CADPS2: variants seen among roughly 807,000 people sequenced by gnomAD.
The protein encoded by CADPS2 is calcium dependent secretion activator 2, also known as calcium-dependent secretion activator 2.
In CADPS2, 93 loss-of-function variants were observed where a neutral mutation model predicts 172.5. The observed-to-expected ratio is 0.54, with a 90% CI of 0.46 to 0.64. The LOEUF is 0.64. CADPS2 is among the 30% of genes least tolerant of loss of function. CADPS2 has a pLI of 0.00. For synonymous variants in CADPS2, 546 were observed against 555.2 expected (o/e 0.98, Z 0.23); for missense variants, 1,420 against 1,565.9 (o/e 0.91, Z 1.57).
At chr7:122,657,224 G>T (rs1261540208) in intron 3 of CADPS2, among the ~76,000 whole-genome samples, 4 of 152,212 alleles carry the variant, frequency 2.6e-5, no homozygotes, top group Admixed American at 2.6e-4. Flanking sequence ...TTGTAGTATA[G>T]TTTGAAATCA....
At chr7:122,603,919 G>C (rs1243707212) in intron 6 of CADPS2, among the ~76,000 whole-genome samples, 2 of 152,072 alleles carry the variant, frequency 1.3e-5, no homozygotes, top group Non-Finnish European at 2.9e-5. Flanking sequence ...TGATCAAAGA[G>C]TACACATTTT....
chr7:122,483,375 T>C (rs2057490307), intron 11 of CADPS2, among the ~76,000 whole-genome samples: 1 of 151,768 alleles, frequency 6.6e-6, no homozygotes, highest in South Asian at 2.1e-4. Flanking sequence ...AAAAGAAAAA[T>C]ATCTTCAAAA....
At position 122,756,857 on chromosome 7, in the gene CADPS2, G is replaced by A. The variant is rs551890988; in HGVS notation, c.340-19789C>T. Among the ~76,000 whole-genome samples the A allele has an allele frequency of 7.3e-5, 11 of 151,316 alleles. No homozygotes were observed. The South Asian group carries it at 8.4e-4, about 11-fold the overall frequency. On this transcript the variant is annotated intron_variant, in intron 1 of 29. Transcript: ENST00000449022. The stretch of plus-strand genomic sequence containing the variant: ...AGAGGTTGCAGTGAGCCAAGATTGC[G>A]CCACTGCACTCCAGCCTGGGGAACA...
intron 20 of CADPS2, among the ~76,000 whole-genome samples, chr7:122,397,821 C>T (rs552243935): frequency 6.6e-6 from 1 of 152,218 alleles, no homozygotes; most frequent in South Asian, 2.1e-4. Context: ...CTTAATGCGG[C>T]CACATCCAAG....
At chr7:122,363,736 A>G (rs548357347) in intron 25 of CADPS2, among the ~76,000 whole-genome samples, 1 of 152,296 alleles carries the variant, frequency 6.6e-6, no homozygotes, top group South Asian at 2.1e-4. Flanking sequence ...ATGGCCAAAC[A>G]CTAAAGAAAT....
intron 19 of CADPS2, among the ~76,000 whole-genome samples, chr7:122,409,120 G>A (rs192525293): frequency 1.2e-4 from 19 of 152,264 alleles, no homozygotes; most frequent in Admixed American, 8.5e-4. Context: ...GGTTAAATAT[G>A]TGATAAAATG....
At chr7:122,538,505 TTAAA>T (rs987482247) in intron 8 of CADPS2, among the ~76,000 whole-genome samples, 17 of 151,574 alleles carry the variant, frequency 1.1e-4, no homozygotes, top group African/African-American at 3.9e-4. Context: ...TTCGTAACAT[TTAAA>T]TAAAAATATT....
chr7:122,598,397 T>C (rs1412172868), intron 6 of CADPS2, among the ~76,000 whole-genome samples: 2 of 152,190 alleles, frequency 1.3e-5, no homozygotes. Context: ...CCAAGTGACA[T>C]ATAAAGGAAA....
intron 1 of CADPS2, among the ~76,000 whole-genome samples, chr7:122,777,541 G>C (rs1443994870): frequency 6.6e-6 from 1 of 152,172 alleles, no homozygotes; most frequent in African/African-American, 2.4e-5. Flanking sequence ...CCACCCAAAT[G>C]TCATCTTGAA....
At chr7:122,795,770 G>T (rs1210143385) in intron 1 of CADPS2, among the ~76,000 whole-genome samples, 1 of 152,016 alleles carries the variant, frequency 6.6e-6, no homozygotes, top group Non-Finnish European at 1.5e-5. Flanking sequence ...ATGGGCAAAA[G>T]CTGGAAGCAT....
intron 8 of CADPS2, among the ~76,000 whole-genome samples, chr7:122,521,736 A>G (rs138814633): frequency 2.6e-4 from 40 of 152,248 alleles, no homozygotes; most frequent in Non-Finnish European, 4.7e-4. Context: ...AGAACTTAAA[A>G]TTTATGTGCT....
chr7:122,771,086 G>A (rs550353237), intron 1 of CADPS2, among the ~76,000 whole-genome samples: 19 of 152,304 alleles, frequency 1.2e-4, no homozygotes, highest in Non-Finnish European at 2.8e-4. Context: ...GAACCTCAGG[G>A]ATTAATTTAA....
At chr7:122,651,834 A>T (rs1030830584) in intron 3 of CADPS2, among the ~76,000 whole-genome samples, 59 of 152,320 alleles carry the variant, frequency 3.9e-4, no homozygotes, top group African/African-American at 1.3e-3. Context: ...TATAGAAGTT[A>T]AAGGAAAATT....
At chr7:122,469,747 G>A (rs985583002) in intron 14 of CADPS2, among the ~76,000 whole-genome samples, 7 of 151,454 alleles carry the variant, frequency 4.6e-5, no homozygotes, top group Non-Finnish European at 8.8e-5. Flanking sequence ...TTTTAGGTAC[G>A]TGGAGGATAA....
intron 6 of CADPS2, among the ~76,000 whole-genome samples, chr7:122,601,593 TA>T (rs1245111740): frequency 6.6e-6 from 1 of 151,974 alleles, no homozygotes; most frequent in Non-Finnish European, 1.5e-5. Context: ...TTCTCTTCCT[TA>T]AAAAAACATT....
chr7:122,577,706 C>T (rs1374576349), intron 7 of CADPS2, among the ~76,000 whole-genome samples: 1 of 152,064 alleles, frequency 6.6e-6, no homozygotes, highest in Admixed American at 6.6e-5. Flanking sequence ...TATAGTAAGT[C>T]TATGTTTAAC....
chr7:122,416,227 C>T (rs1031427686), intron 17 of CADPS2, 63 bp from the exon 18 acceptor site: 32 of 827,332 alleles, frequency 3.9e-5, no homozygotes, highest in Middle Eastern at 5.7e-4. Flanking sequence ...TATTTGAAGA[C>T]GTAATGATGA....
chr7:122,487,806 A>C (rs1287870144), intron 11 of CADPS2, among the ~76,000 whole-genome samples: 1 of 152,218 alleles, frequency 6.6e-6, no homozygotes, highest in African/African-American at 2.4e-5. Flanking sequence ...ATAGAAATAA[A>C]ATGTGCAGTA....
chr7:122,576,296 A>G (rs1439624172), intron 7 of CADPS2, among the ~76,000 whole-genome samples: 1 of 152,180 alleles, frequency 6.6e-6, no homozygotes, highest in East Asian at 1.9e-4. Flanking sequence ...TCCACATGAC[A>G]TCAGTGGTAG....
Sources: gnomAD v4.1 joint callset for allele counts (sites outside exome capture counted in the v4.1 genomes callset) on GRCh38, gnomAD v4.1.1 for gene constraint, MANE v1.5 for transcripts, NCBI Gene and HGNC (gene_info 2026-07-23, HGNC 2026-07-21) for gene names.